UBE3B: variants seen among roughly 807,000 people sequenced by gnomAD.
UBE3B encodes the protein ubiquitin-protein ligase E3B.
In UBE3B, 80 loss-of-function variants were observed where a neutral mutation model predicts 132.3. That is an observed-to-expected ratio of 0.60 (90% CI 0.50 to 0.73). The LOEUF (loss-of-function observed/expected upper bound fraction) is 0.73. Among genes scored for constraint, UBE3B ranks in the 30% least tolerant of loss-of-function variants. The pLI is 0.00. For synonymous variants in UBE3B, 487 were observed against 520.4 expected (o/e 0.94, Z 0.87); for missense variants, 1,196 against 1,362.5 (o/e 0.88, Z 1.92).
downstream of UBE3B, among the ~76,000 whole-genome samples, chr12:109,541,023 A>G (rs1855737816): frequency 6.6e-6 from 1 of 152,164 alleles, no homozygotes; most frequent in Non-Finnish European, 1.5e-5. Context: ...CAGCGTCCCC[A>G]TGAACTGCCT....
At position 109,498,363 on chromosome 12, in the gene UBE3B, C is replaced by T. The variant is rs1282647425; in HGVS notation, c.940+10C>T. 4 of 1,611,856 alleles carry T rather than the reference C, an allele frequency of 2.5e-6. No individual in the cohort carries two copies. Among genetic ancestry groups the T allele is most frequent in the Admixed American group, 1.7e-5 (1 of 59,914 alleles). ...ACGCTTTGTCTAATGGGTAAGTATC[C>T]GTGGCTGGAACTTGATTGTGTCCTG... On this transcript the variant is annotated intron_variant, in intron 11 of 27. Coordinates refer to ENST00000342494, the MANE Select transcript of UBE3B (RefSeq NM_130466.4).
chr12:109,513,689 AT>A (rs11453850), intron 18 of UBE3B, among the ~76,000 whole-genome samples: 5,645 of 149,744 alleles, frequency 0.038, 381 homozygotes, highest in African/African-American at 0.13. Flanking sequence ...TAATCCCCAC[AT>A]TTTTTTTTTC....
At position 109,533,393 on chromosome 12, in the gene UBE3B, A is replaced by G. The variant is rs879001084; in HGVS notation, c.2923-73A>G. 1.5e-5 allele frequency: 20 copies of G among 1,344,508 alleles called. No homozygotes were observed. In the South Asian group the frequency reaches 1.6e-4, roughly 11 times the overall value. 83.3% of individuals were successfully genotyped at this position (1,344,508 alleles called of 1,614,324 possible). On this transcript the variant is annotated intron_variant, in intron 26 of 27. Coordinates refer to ENST00000342494, the MANE Select transcript of UBE3B (RefSeq NM_130466.4). ...GTAACAGACAGAGCAAACACGTGCT[A>G]CACAGCTGCAAGGGCCCGTCCTGGA...
rs1881767783 is a variant in UBE3B, at chr12:109,521,951, C to T, written c.2364+400C>T. Among the ~76,000 whole-genome samples the T allele has an allele frequency of 1.3e-5, 2 of 152,174 alleles. No homozygotes were observed. On this transcript the variant is annotated intron_variant, in intron 21 of 27. Transcript: ENST00000342494. The surrounding 1 kb of genome is among the most constrained non-coding windows in gnomAD (Gnocchi z 4.2). ...GCAGAGCCAGATGGCCACACGGAGGCTGGGTCCCCGTTGTAGGAGGGCAGC... is the reference window on the plus strand; with the variant it reads ...GCAGAGCCAGATGGCCACACGGAGGTTGGGTCCCCGTTGTAGGAGGGCAGC...
intron 18 of UBE3B, among the ~76,000 whole-genome samples, chr12:109,512,443 T>C (rs770676775): frequency 5.9e-5 from 9 of 151,864 alleles, no homozygotes; most frequent in Non-Finnish European, 4.4e-5. Context: ...GAAATGAGGG[T>C]AGCAAGCATG....
intron 9 of UBE3B, among the ~76,000 whole-genome samples, chr12:109,493,513 T>C (rs1294139854): frequency 1.3e-5 from 2 of 152,220 alleles, no homozygotes; most frequent in Non-Finnish European, 2.9e-5. Context: ...ATCCTTGTAG[T>C]TTTTCTTCTC....
chr12:109,526,556 G>GTT, intron 24 of UBE3B, 140 bp downstream of exon 24: 1 of 884,636 alleles, frequency 1.1e-6, no homozygotes, highest in Non-Finnish European at 1.7e-6. Context: ...ACTGGTTACA[G>GTT]TTCATAGGCC....
At chr12:109,489,330 A>C (rs778071803) in intron 7 of UBE3B, among the ~76,000 whole-genome samples, 4 of 152,218 alleles carry the variant, frequency 2.6e-5, no homozygotes, top group Admixed American at 6.5e-5. Context: ...AGTGTCCAGT[A>C]GGGTGGGGAG....
intron 14 of UBE3B, among the ~76,000 whole-genome samples, chr12:109,505,279 C>T (rs1350858348): frequency 3.9e-5 from 6 of 152,204 alleles, no homozygotes; most frequent in African/African-American, 1.2e-4. Context: ...GTGCTCCTCA[C>T]ACACATCTGA....
intron 18 of UBE3B, among the ~76,000 whole-genome samples, chr12:109,512,342 CGAG>C (rs1462613452): frequency 6.6e-6 from 1 of 151,964 alleles, no homozygotes; most frequent in African/African-American, 2.4e-5. Context: ...AGGGCCAACA[CGAG>C]GAGGGAAGGA....
At chr12:109,490,823 T>G in intron 8 of UBE3B, 1 of 1,298,304 alleles carries the variant, frequency 7.7e-7, no homozygotes, top group South Asian at 1.8e-5. Flanking sequence ...TTTTGTTTTT[T>G]TGTTTTTTTT....
the UBE3B span, among the ~76,000 whole-genome samples, chr12:109,544,050 T>C: frequency 6.6e-6 from 1 of 151,956 alleles, no homozygotes; most frequent in African/African-American, 2.4e-5. Flanking sequence ...CTGCAGGGTG[T>C]GTTTGGGAAG....
chr12:109,499,536 A>G lies in UBE3B; in HGVS notation c.941-97A>G, dbSNP rs1002588498. 1.1e-5 allele frequency: 14 copies of G among 1,244,452 alleles called. No individual in the cohort carries two copies. In the African/African-American group the frequency reaches 1.6e-4, roughly 14 times the overall value. The allele number at this position is 1,244,452 out of a possible 1,614,324, so 77.1% of individuals were successfully genotyped here. The stretch of plus-strand genomic sequence containing the variant: ...CTTATGTGGAAATTTCTTGCTGCAC[A>G]TGGGATGTGGCCGCCTGAGCCACAG... On this transcript the variant is annotated intron_variant, in intron 11 of 27. Transcript: ENST00000342494.
rs376253129 is a variant in UBE3B, at chr12:109,534,146, C to G, written c.3016-445C>G. Reference sequence around the variant, plus strand: ...GATGCAGTTTGAGCCCGTGATGCCACCTTGTACAGGAAGCTACACAGTCCT... The same window carrying G: ...GATGCAGTTTGAGCCCGTGATGCCAGCTTGTACAGGAAGCTACACAGTCCT... On this transcript the variant is annotated intron_variant, in intron 27 of 27. Transcript: ENST00000342494. This position sits in a 1 kb window ranked among gnomAD's most constrained non-coding sequence, Gnocchi z 5.2. 2 of 1,288,594 alleles carry G rather than the reference C, an allele frequency of 1.6e-6. No individual in the cohort carries two copies. Among genetic ancestry groups the G allele is most frequent in the Admixed American group, 2.3e-5 (1 of 42,814 alleles). The allele number at this position is 1,288,594 out of a possible 1,614,324, so 79.8% of individuals were successfully genotyped here.
Position 109,491,122 on chromosome 12 carries a change from G to A in UBE3B, c.708G>A (p.Ala236=), listed in dbSNP as rs767211061. ...KGTLTAAFSL[A]LRPVIAAQFS... is the part of the protein sequence containing the mutation. ...CTTTAACAGCAGCTTTTTCTCTAGC[G>A]TTACGGTGAGTAAGAAACCATAGCT... Residue 236 remains alanine (A), a synonymous_variant, in exon 9 of 28, where the codon GCG becomes GCA. Transcript: ENST00000342494. The A allele has an allele frequency of 6.2e-6, 10 of 1,613,846 alleles. No individual in the cohort carries two copies. In the East Asian group the frequency reaches 8.9e-5, roughly 14 times the overall value.
At chr12:109,481,985 G>C (rs1444105858) in intron 2 of UBE3B, among the ~76,000 whole-genome samples, 2 of 152,150 alleles carry the variant, frequency 1.3e-5, no homozygotes, top group Non-Finnish European at 2.9e-5. Flanking sequence ...CTGTTGAGAA[G>C]GGGTCACAGA....
chr12:109,541,810 G>A, the UBE3B span, among the ~76,000 whole-genome samples: 2 of 152,202 alleles, frequency 1.3e-5, no homozygotes, highest in African/African-American at 4.8e-5. Context: ...GTGCTTGGCT[G>A]TAACTGTATC....
At chr12:109,541,417 C>T (rs55828308), downstream of UBE3B, among the ~76,000 whole-genome samples, 1 of 152,298 alleles carries the variant, frequency 6.6e-6, no homozygotes, top group African/African-American at 2.4e-5. Flanking sequence ...TTCATTTTCC[C>T]CAGCTGTAAA....
chr12:109,546,694 C>T, the UBE3B span, among the ~76,000 whole-genome samples: 1 of 152,212 alleles, frequency 6.6e-6, no homozygotes, highest in South Asian at 2.1e-4. Flanking sequence ...ACAGCCTGTT[C>T]TAGGCACTGG....
Sources: allele counts gnomAD v4.1 joint callset (sites outside exome capture counted in the v4.1 genomes callset), GRCh38; gene constraint gnomAD v4.1.1; non-coding constraint Gnocchi (gnomAD v3.1); transcripts MANE v1.5; gene names NCBI Gene and HGNC (gene_info 2026-07-23, HGNC 2026-07-21).